TRANK1: variants seen among roughly 807,000 people sequenced by gnomAD.
The protein encoded by TRANK1 is TPR and ankyrin repeat-containing protein 1.
Under a neutral mutation model 266.0 loss-of-function variants are expected in TRANK1, and 198 were observed. The observed-to-expected ratio is 0.74, with a 90% confidence interval of 0.66 to 0.84. The LOEUF (loss-of-function observed/expected upper bound fraction) is 0.84. Ranked by LOEUF, TRANK1 falls within the 40% of genes least tolerant of loss-of-function variation. The pLI, the probability that TRANK1 is intolerant of heterozygous loss-of-function variation, is 0.00. For missense variants in TRANK1, 3,326 were observed against 3,634.6 expected, an observed-to-expected ratio of 0.92 and a Z score of 2.18; for synonymous variants, 1,396 against 1,384.1, an observed-to-expected ratio of 1.01 and a Z score of -0.19.
At chr3:36,868,320 C>T (rs1484733272) in intron 9 of TRANK1, among the ~76,000 whole-genome samples, 1 of 152,162 alleles carries the variant, frequency 6.6e-6, no homozygotes, top group Non-Finnish European at 1.5e-5. Flanking sequence ...TTTTGTTATA[C>T]ATCATTTTGC....
intron 9 of TRANK1, among the ~76,000 whole-genome samples, chr3:36,865,346 G>T (rs767612527): frequency 7.9e-5 from 12 of 152,214 alleles, no homozygotes; most frequent in African/African-American, 2.9e-4. Context: ...TTTAAGCCAC[G>T]AAAATTGGAG....
rs181136702 is a variant in TRANK1, at chr3:36,910,296, A to G, written c.24-1842T>C. On this transcript the variant is annotated intron_variant, in intron 1 of 23. Transcript: ENST00000645898. Reference sequence around the variant, plus strand: ...GAAATGTTGGGGACACTGCTTACAGAGGAAATAGAATACATCATAAATAGG... The same window carrying G: ...GAAATGTTGGGGACACTGCTTACAGGGGAAATAGAATACATCATAAATAGG... 2.3e-3 allele frequency among the ~76,000 whole-genome samples: 347 copies of G among 152,366 alleles called. 3 individuals are homozygous for G. Among genetic ancestry groups the G allele is most frequent in the Middle Eastern group, 6.8e-3 (2 of 294 alleles).
At chr3:36,914,526 A>G (rs2080099261) in intron 1 of TRANK1, among the ~76,000 whole-genome samples, 1 of 150,324 alleles carries the variant, frequency 6.7e-6, no homozygotes. Context: ...TTAAGTGTTC[A>G]ATTCATTTAA....
intron 1 of TRANK1, among the ~76,000 whole-genome samples, chr3:36,913,266 G>T (rs1289718668): frequency 1.3e-5 from 2 of 151,946 alleles, no homozygotes; most frequent in Non-Finnish European, 2.9e-5. Context: ...GGCCAGACTG[G>T]TCTCGAACTC....
chr3:36,920,646 T>C (rs2080201518), intron 1 of TRANK1, among the ~76,000 whole-genome samples: 1 of 152,152 alleles, frequency 6.6e-6, no homozygotes, highest in Non-Finnish European at 1.5e-5. Context: ...GATGTGTAAA[T>C]GTGTGGCCCT....
intron 2 of TRANK1, among the ~76,000 whole-genome samples, chr3:36,906,539 A>G (rs2079970911): frequency 1.3e-5 from 2 of 152,216 alleles, no homozygotes; most frequent in Admixed American, 1.3e-4. Flanking sequence ...CAATTTAAGG[A>G]TTTTAGGAAT....
intron 7 of TRANK1, among the ~76,000 whole-genome samples, chr3:36,891,682 T>C (rs2079697733): frequency 6.6e-6 from 1 of 152,196 alleles, no homozygotes; most frequent in Non-Finnish European, 1.5e-5. Flanking sequence ...TGGCAAAGCT[T>C]AAAAAAGAAT....
Position 36,905,236 on chromosome 3 carries a change from A to G in TRANK1, c.156-1961T>C, listed in dbSNP as rs1192149547. The stretch of plus-strand genomic sequence containing the variant: ...CCGGGAGGCGGCGGAGCTTGCAGTG[A>G]GCCGAGATCGTGCCGTTGCACTCTA... On this transcript the variant is annotated intron_variant, in intron 2 of 23. Transcript: ENST00000645898. Among the ~76,000 whole-genome samples, 3 of 150,306 alleles carry G rather than the reference A, an allele frequency of 2.0e-5. No individual in the cohort carries two copies. The Admixed American group carries it at 2.0e-4, about 10-fold the overall frequency.
At chr3:36,863,546 C>T (rs921595922) in intron 10 of TRANK1, among the ~76,000 whole-genome samples, 11 of 152,220 alleles carry the variant, frequency 7.2e-5, no homozygotes, top group African/African-American at 1.9e-4. Context: ...CTAGCCTCAT[C>T]GCAACCCATC....
chr3:36,836,950 C>T (rs1331287023), intron 20 of TRANK1, among the ~76,000 whole-genome samples: 1 of 152,232 alleles, frequency 6.6e-6, no homozygotes, highest in Non-Finnish European at 1.5e-5. Context: ...CTTCCACTGG[C>T]TTCCCATCAT....
chr3:36,843,239 T>C (rs563756812), intron 17 of TRANK1, among the ~76,000 whole-genome samples: 2 of 152,300 alleles, frequency 1.3e-5, no homozygotes, highest in Non-Finnish European at 2.9e-5. Context: ...TTTGTGAGGT[T>C]ATTGAAAGGA....
At chr3:36,942,689 C>T (rs1165493105) in intron 1 of TRANK1, among the ~76,000 whole-genome samples, 2 of 151,946 alleles carry the variant, frequency 1.3e-5, no homozygotes, top group Non-Finnish European at 2.9e-5. Context: ...TATTCTATCA[C>T]TCAAGTATGA....
At chr3:36,850,101 C>CG (rs1420104011) in intron 15 of TRANK1, 1 of 985,280 alleles carries the variant, frequency 1.0e-6, no homozygotes, top group African/African-American at 1.7e-5. Context: ...GCTTCTTACT[C>CG]GCACAAGCAT....
chr3:36,899,332 A>C, intron 3 of TRANK1, 73 bp from the exon 4 acceptor site: 2 of 1,470,086 alleles, frequency 1.4e-6, no homozygotes, highest in Non-Finnish European at 9.0e-7. Context: ...AAAAAGCAAA[A>C]TTGGCAACAT....
chr3:36,838,340 TC>T, intron 20 of TRANK1, 31 bp downstream of exon 20: 1 of 1,611,112 alleles, frequency 6.2e-7, no homozygotes, highest in Non-Finnish European at 8.5e-7. Flanking sequence ...AGCCCAGTTT[TC>T]CCTGGAGCAG....
intron 2 of TRANK1, among the ~76,000 whole-genome samples, chr3:36,903,791 C>G (rs536407595): frequency 6.6e-6 from 1 of 152,184 alleles, no homozygotes; most frequent in Non-Finnish European, 1.5e-5. Flanking sequence ...CGCAGCAGGG[C>G]AGGGATGGCT....
At chr3:36,922,233 A>G (rs540172582) in intron 1 of TRANK1, among the ~76,000 whole-genome samples, 18 of 152,330 alleles carry the variant, frequency 1.2e-4, no homozygotes, top group African/African-American at 4.1e-4. Flanking sequence ...TACTATTACT[A>G]TTCTATCTGG....
At chr3:36,902,184 AT>A (rs897369033) in intron 3 of TRANK1, among the ~76,000 whole-genome samples, 1 of 152,248 alleles carries the variant, frequency 6.6e-6, no homozygotes, top group African/African-American at 2.4e-5. Flanking sequence ...GTTGGGCCAC[AT>A]TCAAAGCTGT....
At chr3:36,940,372 C>T (rs1461084122) in intron 1 of TRANK1, among the ~76,000 whole-genome samples, 2 of 151,814 alleles carry the variant, frequency 1.3e-5, no homozygotes, top group East Asian at 2.0e-4. Context: ...TGGTGGCAGG[C>T]GCCTGTAGTC....
Sources: gnomAD v4.1 joint callset for allele counts (sites outside exome capture counted in the v4.1 genomes callset) on GRCh38, gnomAD v4.1.1 for gene constraint, MANE v1.5 for transcripts, NCBI Gene and HGNC (gene_info 2026-07-23, HGNC 2026-07-21) for gene names.